JMY: variants seen among roughly 807,000 people sequenced by gnomAD.
JMY encodes the protein junction-mediating and -regulatory protein.
A neutral mutation model predicts 103.3 loss-of-function variants in JMY; 46 were observed. That is an observed-to-expected ratio of 0.45 (90% CI 0.35 to 0.57). The LOEUF (loss-of-function observed/expected upper bound fraction) is 0.57, where lower values mean the gene tolerates loss of function less well. Ranked by LOEUF, JMY falls within the 20% of genes least tolerant of loss-of-function variation. JMY has a pLI of 0.00. For missense variants in JMY, 1,238 were observed against 1,255.2 expected (o/e 0.99, Z 0.21); for synonymous variants, 526 against 489.3 (o/e 1.07, Z -0.99).
At chr5:79,307,498 A>T (rs140303458) in intron 7 of JMY, among the ~76,000 whole-genome samples, 3 of 152,084 alleles carry the variant, frequency 2.0e-5, no homozygotes, top group Non-Finnish European at 4.4e-5. Context: ...TGTGTTTAAG[A>T]GATGGAGTCT....
chr5:79,314,849 G>A lies in JMY; in HGVS notation c.2657G>A (p.Arg886Lys). The A allele has an allele frequency of 6.4e-7, 1 of 1,553,422 alleles. No homozygotes were observed. The change falls in exon 9 of 11, where the codon AGA becomes AAA. Residue 886 changes from arginine (R) to lysine (K), a missense_variant and splice_region_variant. Transcript: ENST00000396137. ...RKTAEGLQRR[R>K]VSSPMDEVLA... is the part of the protein sequence containing the mutation. ...ACTGCTGAAGGTTTGCAGAGGAGGAGAGGTACGTCAACATATTTTCATGGT... is the reference window on the plus strand; with the variant it reads ...ACTGCTGAAGGTTTGCAGAGGAGGAAAGGTACGTCAACATATTTTCATGGT...
chr5:79,301,934 T>G (rs1746744979), intron 6 of JMY, among the ~76,000 whole-genome samples: 1 of 151,824 alleles, frequency 6.6e-6, no homozygotes, highest in African/African-American at 2.4e-5. Flanking sequence ...ATACAAAAAA[T>G]TAGCCAGGCA....
At chr5:79,252,641 A>G (rs1476104825) in intron 1 of JMY, among the ~76,000 whole-genome samples, 1 of 152,110 alleles carries the variant, frequency 6.6e-6, no homozygotes, top group African/African-American at 2.4e-5. Context: ...TGGGTGCTCC[A>G]GTGTTAGGTG....
In JMY at chr5:79,319,943, A is replaced by C. The variant is rs371147536; in HGVS notation, c.*4-1663A>C. 7.9e-5 allele frequency among the ~76,000 whole-genome samples: 12 copies of C among 152,272 alleles called. No homozygotes were observed. In the South Asian group the frequency reaches 2.5e-3, roughly 32 times the overall value. ...TATACTTTTAAGAGCTAATTTCTTG[A>C]ATATTCATAAAGTAGGTAATGAAGG... On this transcript the variant is annotated intron_variant, in intron 10 of 10. Transcript: ENST00000396137.
At position 79,326,946 on chromosome 5, in the gene JMY, T is replaced by A. The variant is rs937101782; in HGVS notation, c.*5344T>A. 1.2e-4 allele frequency: 19 copies of A among 152,244 alleles called. No homozygotes were observed. Among genetic ancestry groups the A allele is most frequent in the African/African-American group, 4.3e-4 (18 of 41,466 alleles). 9.4% of individuals were successfully genotyped at this position (152,244 alleles called of 1,614,324 possible). A position where few individuals can be genotyped will look rare whatever the true frequency, so the allele number is the denominator to read the frequency against. On this transcript the variant is annotated 3_prime_UTR_variant, in exon 11 of 11. Transcript: ENST00000396137. ...AGTATTAAAAGTACAGAGGAAAAAC[T>A]AAGCAAGCATTTATAGCAATACCAT...
At chr5:79,245,275 C>CA (rs2112045460) in intron 1 of JMY, among the ~76,000 whole-genome samples, 1 of 152,170 alleles carries the variant, frequency 6.6e-6, no homozygotes, top group East Asian at 1.9e-4. Flanking sequence ...GTAGTATAGG[C>CA]ACTGGGAAAA....
intron 1 of JMY, among the ~76,000 whole-genome samples, chr5:79,277,353 C>T (rs1340347136): frequency 6.6e-6 from 1 of 151,536 alleles, no homozygotes; most frequent in African/African-American, 2.4e-5. Flanking sequence ...TGGGCTGGGT[C>T]CAGTGGCTCA....
chr5:79,306,550 T>G (rs936751990), intron 7 of JMY, 89 bp downstream of exon 7: 21 of 898,744 alleles, frequency 2.3e-5, no homozygotes, highest in Non-Finnish European at 3.4e-5. Flanking sequence ...ATAAAAAAAC[T>G]TATAACTGCA....
Position 79,255,695 on chromosome 5 carries a change from C to T in JMY, c.1032+18013C>T, listed in dbSNP as rs538116503. Among the ~76,000 whole-genome samples the T allele has an allele frequency of 2.2e-4, 33 of 152,352 alleles. 1 individual carries two copies. Among genetic ancestry groups the T allele is most frequent in the African/African-American group, 7.2e-4 (30 of 41,582 alleles). On this transcript the variant is annotated intron_variant, in intron 1 of 10. Coordinates refer to ENST00000396137, the MANE Select transcript of JMY (RefSeq NM_152405.5). ...TTGTTGCAGACTCATAAAGGTACCA[C>T]CTTGATGGTCTTGGTCAAGATGTGA...
chr5:79,241,615 T>C (rs1416770855), intron 1 of JMY, among the ~76,000 whole-genome samples: 1 of 152,206 alleles, frequency 6.6e-6, no homozygotes, highest in Non-Finnish European at 1.5e-5. Context: ...TTTATATCTG[T>C]GGGCATGTGT....
intron 8 of JMY, among the ~76,000 whole-genome samples, chr5:79,313,349 G>A (rs574054288): frequency 6.6e-6 from 1 of 152,192 alleles, no homozygotes; most frequent in East Asian, 1.9e-4. Flanking sequence ...AGCCAGGGAG[G>A]TCATGGCTGC....
At position 79,236,442 on chromosome 5, in the gene JMY, C is replaced by CT. The variant is rs1744495188; in HGVS notation, c.-207dup. On this transcript the variant is annotated 5_prime_UTR_variant, in exon 1 of 11. Coordinates refer to ENST00000396137, the MANE Select transcript of JMY (RefSeq NM_152405.5). ...ATGTGAACTACCTGCTCCCGGGACG[C>CT]TTATTGTCCTTCTCTCGATCCGCGC... 1 of 404,398 alleles carries CT rather than the reference C, an allele frequency of 2.5e-6. No homozygotes were observed. The highest frequency in any genetic ancestry group is 4.3e-6 in the Non-Finnish European group (1 of 231,894). 25.1% of individuals were successfully genotyped at this position (404,398 alleles called of 1,614,324 possible). A position where few individuals can be genotyped will look rare whatever the true frequency, so the allele number is the denominator to read the frequency against.
intron 1 of JMY, among the ~76,000 whole-genome samples, chr5:79,276,856 C>G (rs1376996224): frequency 6.6e-6 from 1 of 152,194 alleles, no homozygotes; most frequent in African/African-American, 2.4e-5. Context: ...CCACCCCCCA[C>G]GGCCTCCCAA....
chr5:79,248,099 G>C (rs1744961796), intron 1 of JMY, among the ~76,000 whole-genome samples: 2 of 151,602 alleles, frequency 1.3e-5, no homozygotes, highest in Admixed American at 1.3e-4. Flanking sequence ...CACCATATTG[G>C]CCTGGCTGGT....
chr5:79,272,140 A>G (rs1745802656), intron 1 of JMY, among the ~76,000 whole-genome samples: 1 of 151,026 alleles, frequency 6.6e-6, no homozygotes, highest in Admixed American at 6.6e-5. Context: ...GAAGTTCTGC[A>G]TTATCTCCAG....
chr5:79,266,549 A>G (rs1168856628), intron 1 of JMY, among the ~76,000 whole-genome samples: 1 of 152,234 alleles, frequency 6.6e-6, no homozygotes, highest in African/African-American at 2.4e-5. Context: ...GGTAATTGCA[A>G]TATCCATCAC....
chr5:79,293,782 C>G (rs950102564), intron 4 of JMY, among the ~76,000 whole-genome samples: 1 of 152,128 alleles, frequency 6.6e-6, no homozygotes, highest in Non-Finnish European at 1.5e-5. Context: ...TAGCCCAATA[C>G]CTGTGAAAGA....
intron 1 of JMY, among the ~76,000 whole-genome samples, chr5:79,277,477 T>A (rs887071121): frequency 6.7e-6 from 1 of 148,510 alleles, no homozygotes; most frequent in African/African-American, 2.5e-5. Context: ...AAAAAAAAAA[T>A]ATATACAATA....
rs1561297888 is a variant in JMY at position 79,270,571 on chromosome 5, ATGTATATTTACATAAATATTTAAAATG to A, written c.1033-7337_1033-7311del. Among the ~76,000 whole-genome samples, 325 of 34,598 alleles carry A rather than the reference ATGTATATTTACATAAATATTTAAAATG, an allele frequency of 9.4e-3. 6 individuals are homozygous for A. The highest frequency in any genetic ancestry group is 0.019 in the African/African-American group (274 of 14,734). 22.7% of individuals were successfully genotyped at this position (34,598 alleles called of 152,430 possible). On this transcript the variant is annotated intron_variant, in intron 1 of 10. Coordinates refer to ENST00000396137, the MANE Select transcript of JMY (RefSeq NM_152405.5). ...ATGTATATTTACATAAATATTTAAA[ATGTATATTTACATAAATATTTAAAATG>A]TATATTTACATAAATGTTTATATAA...
Sources: gnomAD v4.1 joint callset for allele counts (sites outside exome capture counted in the v4.1 genomes callset) on GRCh38, gnomAD v4.1.1 for gene constraint, MANE v1.5 for transcripts, NCBI Gene and HGNC (gene_info 2026-07-23, HGNC 2026-07-21) for gene names.